CDC16: variants seen among roughly 807,000 people sequenced by gnomAD.
CDC16 encodes the protein cell division cycle protein 16 homolog.
In CDC16, 34 loss-of-function variants were observed where a neutral mutation model predicts 87.0. That is an observed-to-expected ratio of 0.39 (90% CI 0.30 to 0.52). CDC16 has a LOEUF of 0.52. Among genes scored for constraint, CDC16 ranks in the 20% least tolerant of loss-of-function variants. CDC16 has a pLI of 0.74. For synonymous variants in CDC16, 263 were observed against 260.6 expected, an observed-to-expected ratio of 1.01 and a Z score of -0.09; for missense variants, 653 against 751.9, an observed-to-expected ratio of 0.87 and a Z score of 1.54.
chr13:114,239,182 A>T (rs2081414789), intron 4 of CDC16, 154 bp downstream of exon 4: 1 of 1,408,454 alleles, frequency 7.1e-7, no homozygotes, highest in African/African-American at 1.4e-5. Context: ...TTTGCTATAA[A>T]ATACTGATTC....
intron 16 of CDC16, chr13:114,264,373 C>T (rs2083053899): frequency 6.6e-6 from 1 of 152,214 alleles, no homozygotes; most frequent in African/African-American, 2.4e-5. Context: ...TGGTGAAACC[C>T]CGTCTCTACT....
At chr13:114,237,828 T>A (rs886967198) in intron 3 of CDC16, among the ~76,000 whole-genome samples, 1 of 152,218 alleles carries the variant, frequency 6.6e-6, no homozygotes, top group African/African-American at 2.4e-5. Flanking sequence ...TCTCTTCTTA[T>A]CTTCCCTGTC....
intron 17 of CDC16, among the ~76,000 whole-genome samples, chr13:114,268,678 A>G (rs2083404676): frequency 6.6e-6 from 1 of 152,146 alleles, no homozygotes; most frequent in Admixed American, 6.5e-5. Flanking sequence ...TAAAACCATA[A>G]TGATGGTGGT....
intron 12 of CDC16, among the ~76,000 whole-genome samples, chr13:114,256,376 G>T (rs921945443): frequency 6.6e-6 from 1 of 152,096 alleles, no homozygotes; most frequent in Non-Finnish European, 1.5e-5. Flanking sequence ...CTTAATTTGA[G>T]TTATGACTCT....
intron 5 of CDC16, among the ~76,000 whole-genome samples, chr13:114,240,294 C>T (rs1396500610): frequency 1.3e-5 from 2 of 152,092 alleles, no homozygotes; most frequent in Non-Finnish European, 2.9e-5. Flanking sequence ...ACTGCAGCCT[C>T]AACCTCCCAA....
rs551038061 is a variant in CDC16, at chr13:114,265,291, C to T, written c.1603+51C>T. ...TATTGTACTCCATTTTTTAGGTTGTCATATGTCTCTGTTTATGTTTCTCAT... is the reference window on the plus strand; with the variant it reads ...TATTGTACTCCATTTTTTAGGTTGTTATATGTCTCTGTTTATGTTTCTCAT... On this transcript the variant is annotated intron_variant, in intron 17 of 17. Coordinates refer to ENST00000356221, the MANE Select transcript of CDC16 (RefSeq NM_001078645.3). 30 of 1,125,566 alleles carry T rather than the reference C, an allele frequency of 2.7e-5. No individual in the cohort carries two copies. In the East Asian group the frequency reaches 3.5e-4, roughly 13 times the overall value. The allele number at this position is 1,125,566 out of a possible 1,614,324, so 69.7% of individuals were successfully genotyped here. A position where few individuals can be genotyped will look rare whatever the true frequency, so the allele number is the denominator to read the frequency against.
At position 114,244,921 on chromosome 13, in the gene CDC16, T is replaced by C. The variant is rs552804976; in HGVS notation, c.799T>C (p.Cys267Arg). 1 of 1,611,728 alleles carries C rather than the reference T, an allele frequency of 6.2e-7. No individual in the cohort carries two copies. The highest frequency in any genetic ancestry group is 1.7e-5 in the Admixed American group (1 of 59,762). The change falls in exon 9 of 18, where the codon TGT becomes CGT. Residue 267 changes from cysteine (C) to arginine (R), a missense_variant. Transcript: ENST00000356221. ...GGAGAAAGATCCTTTCCATGCAAGT[T>C]GTTTACCTGTACATATAGGGACGCT... ...VMEKDPFHAS[C>R]LPVHIGTLVE...
In CDC16 at chr13:114,268,853, C is replaced by G. The variant is rs190693392; in HGVS notation, c.1604-3331C>G. Reference sequence around the variant, plus strand: ...AATAAATAAAACCTTAGTGAGAAACCAGTACACACCCACCAGAATGGCTGA... The same window carrying G: ...AATAAATAAAACCTTAGTGAGAAACGAGTACACACCCACCAGAATGGCTGA... On this transcript the variant is annotated intron_variant, in intron 17 of 17. Coordinates refer to ENST00000356221, the MANE Select transcript of CDC16 (RefSeq NM_001078645.3). Among the ~76,000 whole-genome samples the G allele has an allele frequency of 2.0e-3, 309 of 152,218 alleles. 1 individual carries two copies. The highest frequency in any genetic ancestry group is 7.1e-3 in the African/African-American group (295 of 41,520).
At chr13:114,250,300 C>T (rs1447283731) in intron 11 of CDC16, among the ~76,000 whole-genome samples, 1 of 152,086 alleles carries the variant, frequency 6.6e-6, no homozygotes, top group Non-Finnish European at 1.5e-5. Flanking sequence ...CAAGACCAGC[C>T]TGACCGACAT....
chr13:114,248,272 C>T (rs188890875), intron 11 of CDC16, among the ~76,000 whole-genome samples: 32 of 152,366 alleles, frequency 2.1e-4, no homozygotes, highest in Non-Finnish European at 4.4e-4. Flanking sequence ...GAATTGGTCT[C>T]TAACGGAAAC....
At chr13:114,265,848 T>C (rs995965603) in intron 17 of CDC16, among the ~76,000 whole-genome samples, 1 of 151,718 alleles carries the variant, frequency 6.6e-6, no homozygotes, top group Admixed American at 6.6e-5. Context: ...GGAGCTTCGC[T>C]CTTGTTGCCC....
chr13:114,239,223 A>C (rs1366556205), intron 4 of CDC16, 127 bp from the exon 5 acceptor site: 2 of 1,455,114 alleles, frequency 1.4e-6, no homozygotes, highest in Non-Finnish European at 9.3e-7. Flanking sequence ...ATGCATGAAG[A>C]AAATTCTACT....
chr13:114,259,982 G>A (rs2082739524), intron 14 of CDC16, among the ~76,000 whole-genome samples: 1 of 152,188 alleles, frequency 6.6e-6, no homozygotes, highest in South Asian at 2.1e-4. Context: ...TGTATATACT[G>A]ATATTACTTA....
chr13:114,261,985 T>A (rs776304323), intron 15 of CDC16, 37 bp downstream of exon 15: 1 of 1,315,328 alleles, frequency 7.6e-7, no homozygotes, highest in Non-Finnish European at 1.1e-6. Flanking sequence ...ATATACTTTG[T>A]GTCTCAAAGT....
At chr13:114,240,126 A>G (rs1169074335) in intron 5 of CDC16, among the ~76,000 whole-genome samples, 3 of 152,154 alleles carry the variant, frequency 2.0e-5, no homozygotes, top group Non-Finnish European at 2.9e-5. Context: ...AAACCTCACC[A>G]TGGTCAATTT....
rs372332809 is a variant in CDC16, at chr13:114,244,871, G to A, written c.768-19G>A. ...CACCTGCTGGTTTGGGGGTAGTAAT[G>A]TGTCGCTTTAACTTTCAGAGTAATG... On this transcript the variant is annotated intron_variant, in intron 8 of 17. Coordinates refer to ENST00000356221, the MANE Select transcript of CDC16 (RefSeq NM_001078645.3). 60 of 1,574,328 alleles carry A rather than the reference G, an allele frequency of 3.8e-5. No individual in the cohort carries two copies. The African/African-American group carries it at 5.4e-4, about 14-fold the overall frequency.
chr13:114,235,056 G>A lies in CDC16; in HGVS notation c.-29G>A. ...CAGGAGGCGCGCGCCTAGCGGCGGA[G>A]TGTGGCGTGAGGCCGGGCCCGCGCC... is the stretch of plus-strand genomic sequence containing the variant. On this transcript the variant is annotated 5_prime_UTR_variant, in exon 1 of 18. The change creates a new upstream start codon in the 5' untranslated region. Transcript: ENST00000356221. The A allele has an allele frequency of 8.0e-7, 1 of 1,249,472 alleles. No individual in the cohort carries two copies. Among genetic ancestry groups the A allele is most frequent in the Non-Finnish European group, 1.0e-6 (1 of 997,896 alleles). 77.4% of individuals were successfully genotyped at this position (1,249,472 alleles called of 1,614,324 possible).
At chr13:114,253,662 C>T (rs1468239639) in intron 12 of CDC16, among the ~76,000 whole-genome samples, 1 of 148,716 alleles carries the variant, frequency 6.7e-6, no homozygotes, top group East Asian at 2.0e-4. Flanking sequence ...GCACTCCAGC[C>T]TGGGCGACAG....
intron 16 of CDC16, among the ~76,000 whole-genome samples, chr13:114,263,280 C>T (rs1200057511): frequency 1.3e-5 from 2 of 152,182 alleles, no homozygotes; most frequent in Non-Finnish European, 2.9e-5. Context: ...GTGCTGAGCA[C>T]GGGGTTATCT....
Sources: gnomAD v4.1 joint callset for allele counts (sites outside exome capture counted in the v4.1 genomes callset) on GRCh38, gnomAD v4.1.1 for gene constraint, MANE v1.5 for transcripts, NCBI Gene and HGNC (gene_info 2026-07-23, HGNC 2026-07-21) for gene names.